The following RNF213 variants were observed in gnomAD, a reference collection of about 807,000 sequenced individuals.
RNF213 encodes the protein E3 ubiquitin-protein ligase RNF213.
Under a neutral mutation model 514.4 loss-of-function variants are expected in RNF213, and 341 were observed. The observed-to-expected ratio is 0.66, with a 90% CI of 0.61 to 0.73. The LOEUF (loss-of-function observed/expected upper bound fraction) is 0.73. Among genes scored for constraint, RNF213 ranks in the 30% least tolerant of loss-of-function variants. RNF213 has a pLI of 0.00. For synonymous variants in RNF213, 2,655 were observed against 2,658.2 expected (o/e 1.00, Z 0.04); for missense variants, 5,767 against 6,615.6 (o/e 0.87, Z 4.45).
At position 80,343,371 on chromosome 17, in the gene RNF213, T is replaced by C. The variant is rs2078217410; in HGVS notation, c.6183+46T>C. The stretch of plus-strand genomic sequence containing the variant: ...GCCGATGGCCACATCAGTAAAGACG[T>C]GGTCCCCATGTCTCTGCGTGACTCC... On this transcript the variant is annotated intron_variant, in intron 27 of 67. Coordinates refer to ENST00000582970, the MANE Select transcript of RNF213 (RefSeq NM_001256071.3). The surrounding 1 kb of genome is among the most constrained non-coding windows in gnomAD (Gnocchi z 4.3). The C allele has an allele frequency of 6.6e-7, 1 of 1,526,054 alleles. No homozygotes were observed. The highest frequency in any genetic ancestry group is 9.0e-7 in the Non-Finnish European group (1 of 1,109,706). The allele number at this position is 1,526,054 out of a possible 1,614,324, so 94.5% of individuals were successfully genotyped here.
At chr17:80,374,646 T>C (rs746646987) in intron 50 of RNF213, 57 bp downstream of exon 50, 1 of 1,596,866 alleles carries the variant, frequency 6.3e-7, no homozygotes, top group Non-Finnish European at 8.6e-7. Context: ...GGAGCCTGCA[T>C]GTTCCCTGGT....
At chr17:80,351,246 G>A (rs1322040400) in intron 31 of RNF213, among the ~76,000 whole-genome samples, 3 of 152,222 alleles carry the variant, frequency 2.0e-5, no homozygotes, top group Non-Finnish European at 4.4e-5. Flanking sequence ...TACTTGGGAA[G>A]CAGAGGCAGG....
intron 25 of RNF213, 32 bp from the exon 26 acceptor site, chr17:80,339,169 T>G (rs1333496274): frequency 4.1e-5 from 59 of 1,448,294 alleles, no homozygotes; most frequent in Middle Eastern, 1.8e-4. Flanking sequence ...CGCATGGCTC[T>G]GTGAGCCAAC....
At position 80,381,491 on chromosome 17, in the gene RNF213, CCA is replaced by C. The variant is rs559229501; in HGVS notation, c.13798-55_13798-54del. The C allele has an allele frequency of 5.7e-4, 909 of 1,588,160 alleles. 5 individuals are homozygous for C. The African/African-American group carries it at 0.011, about 19-fold the overall frequency. On this transcript the variant is annotated intron_variant, in intron 56 of 67. Coordinates refer to ENST00000582970, the MANE Select transcript of RNF213 (RefSeq NM_001256071.3). Reference sequence around the variant, plus strand: ...CTCCCAATGGCCTCTACCAGGCTCACCATCTTCTCTACAAACCAGATCCCCGC... The same window carrying C: ...CTCCCAATGGCCTCTACCAGGCTCACTCTTCTCTACAAACCAGATCCCCGC...
At position 80,332,479 on chromosome 17, in the gene RNF213, G is replaced by C. The variant is rs1301789101; in HGVS notation, c.3991G>C (p.Asp1331His). The change falls in exon 21 of 68, where the codon GAC becomes CAC. Residue 1331 changes from aspartate to histidine, a missense_variant. Around this residue, in one of 13 missense-constraint regions of RNF213, gnomAD observed 516 missense variants for 566.5 expected, o/e 0.91. Transcript: ENST00000582970. The part of the protein sequence containing the change: ...LKIMCTVDHQ[D>H]QRDWIKDRVE... ...GATCATGTGCACCGTGGACCACCAG[G>C]ACCAAAGAGATTGGATCAAGGACCG... is the stretch of plus-strand genomic sequence containing the variant. 2.6e-6 allele frequency: 4 copies of C among 1,537,096 alleles called. No individual in the cohort carries two copies. In the East Asian group the frequency reaches 9.8e-5, roughly 38 times the overall value.
chr17:80,363,624 G>T lies in RNF213; in HGVS notation c.11584G>T (p.Ala3862Ser). Residue 3862 changes from alanine (A) to serine (S), a missense_variant, in exon 41 of 68, where the codon GCC becomes TCC. By Grantham distance (99) the Ala-to-Ser change is moderately conservative. Around this residue, in one of 13 missense-constraint regions of RNF213, gnomAD observed 355 missense variants for 358.0 expected, o/e 0.99. Coordinates refer to ENST00000582970, the MANE Select transcript of RNF213 (RefSeq NM_001256071.3). Reference sequence around the variant, plus strand: ...GTCTCCCCAGACCCTGGACGCATTTGCCGCAATGGCCTGCACGGAGATGCT... The same window carrying T: ...GTCTCCCCAGACCCTGGACGCATTTTCCGCAATGGCCTGCACGGAGATGCT... ...AGCEMTLDAF[A>S]AMACTEMLTR... The T allele has an allele frequency of 6.2e-7, 1 of 1,613,916 alleles. No homozygotes were observed. The highest frequency in any genetic ancestry group is 8.5e-7 in the Non-Finnish European group (1 of 1,180,044).
Position 80,384,943 on chromosome 17 carries a change from C to G in RNF213, c.14323-96C>G, listed in dbSNP as rs2080173295. On this transcript the variant is annotated intron_variant, in intron 59 of 67. Coordinates refer to ENST00000582970, the MANE Select transcript of RNF213 (RefSeq NM_001256071.3). ...AAATGACACTGACCAGATTAAGCTACAAATACAAGTCTCGCAGCCAGTCTC... is the reference window on the plus strand; with the variant it reads ...AAATGACACTGACCAGATTAAGCTAGAAATACAAGTCTCGCAGCCAGTCTC... 12 of 1,319,112 alleles carry G rather than the reference C, an allele frequency of 9.1e-6. No homozygotes were observed. In the South Asian group the frequency reaches 1.4e-4, roughly 16 times the overall value. 81.7% of individuals were successfully genotyped at this position (1,319,112 alleles called of 1,614,324 possible). A position where few individuals can be genotyped will look rare whatever the true frequency, so the allele number is the denominator to read the frequency against.
Position 80,274,280 on chromosome 17 carries a change from C to T in RNF213, c.261+876C>T, listed in dbSNP as rs868311777. ...CTCTGGCCTTGAACAGCCTCTTAGG[C>T]GTTAGACACCAAGAGAATGCGTCCT... On this transcript the variant is annotated intron_variant, in intron 3 of 67. Coordinates refer to ENST00000582970, the MANE Select transcript of RNF213 (RefSeq NM_001256071.3). Among the ~76,000 whole-genome samples the T allele has an allele frequency of 1.6e-3, 246 of 151,924 alleles. 1 individual carries two copies. Among genetic ancestry groups the T allele is most frequent in the African/African-American group, 5.6e-3 (233 of 41,450 alleles).
intron 20 of RNF213, 67 bp downstream of exon 20, chr17:80,328,544 T>C (rs1265846326): frequency 6.8e-7 from 1 of 1,468,938 alleles, no homozygotes; most frequent in Non-Finnish European, 9.1e-7. Flanking sequence ...ACAGTAAGAA[T>C]GGATCACAGT....
At chr17:80,324,961 G>A (rs1179142960) in intron 17 of RNF213, 69 bp from the exon 18 acceptor site, 1 of 1,428,600 alleles carries the variant, frequency 7.0e-7, no homozygotes, top group African/African-American at 1.4e-5. Context: ...TAGGTAATTT[G>A]CTTTTGTTAT....
At position 80,360,125 on chromosome 17, in the gene RNF213, A is replaced by C; in HGVS notation, c.11119A>C (p.Asn3707His). 1 of 1,614,168 alleles carries C rather than the reference A, an allele frequency of 6.2e-7. No individual in the cohort carries two copies. ...CATGAACCTTTCCGAGAACGCTTCCAACAACGTCCCTTTCAGCTGGAAAAT... is the reference window on the plus strand; with the variant it reads ...CATGAACCTTTCCGAGAACGCTTCCCACAACGTCCCTTTCAGCTGGAAAAT... ...NHMNLSENAS[N>H]NVPFSWKIKD... The change falls in exon 38 of 68, where the codon AAC (asparagine) becomes CAC (histidine). Residue 3707 changes from asparagine to histidine, a missense_variant. Physicochemically the swap from Asn to His is moderately conservative, Grantham distance 68. Coordinates refer to ENST00000582970, the MANE Select transcript of RNF213 (RefSeq NM_001256071.3).
In RNF213 at chr17:80,385,576, T is replaced by C; in HGVS notation, c.14494T>C (p.Phe4832Leu). The C allele has an allele frequency of 6.2e-7, 1 of 1,614,176 alleles. No homozygotes were observed. Among genetic ancestry groups the C allele is most frequent in the Non-Finnish European group, 8.5e-7 (1 of 1,180,030 alleles). The change falls in exon 61 of 68, where the codon TTT (phenylalanine) becomes CTT (leucine). Residue 4832 changes from phenylalanine (F) to leucine (L), a missense_variant. By Grantham distance (22) the Phe-to-Leu change is conservative. This residue lies in a region of RNF213 where 1,245 missense variants were observed against 1,339.0 expected (regional missense o/e 0.93). Coordinates refer to ENST00000582970, the MANE Select transcript of RNF213 (RefSeq NM_001256071.3). ...RQLLHNRITVFLSTWNKLRRS... is the reference protein window; with the variant it reads ...RQLLHNRITVLLSTWNKLRRS... Reference sequence around the variant, plus strand: ...GCTGCTTCACAACAGGATCACAGTCTTTCTGTCCACATGGAACAAACTGAG... The same window carrying C: ...GCTGCTTCACAACAGGATCACAGTCCTTCTGTCCACATGGAACAAACTGAG...
At position 80,355,397 on chromosome 17, in the gene RNF213, ATGGGAATGGGGG is replaced by A. The variant is rs2078715852; in HGVS notation, c.10862+822_10862+833del. Reference sequence around the variant, plus strand: ...GCTTACAGGGGAAGAAGCGGGGTGAATGGGAATGGGGGCTCACGGAGGAAGAAGCGGGGTGGA... The same window carrying A: ...GCTTACAGGGGAAGAAGCGGGGTGAACTCACGGAGGAAGAAGCGGGGTGGA... On this transcript the variant is annotated intron_variant, in intron 36 of 67. Transcript: ENST00000582970. 8 of 173,212 alleles carry A rather than the reference ATGGGAATGGGGG, an allele frequency of 4.6e-5. 1 individual carries two copies. Among genetic ancestry groups the A allele is most frequent in the South Asian group, 6.9e-5 (2 of 28,972 alleles). The allele number at this position is 173,212 out of a possible 1,614,324, so 10.7% of individuals were successfully genotyped here. A position where few individuals can be genotyped will look rare whatever the true frequency, so the allele number is the denominator to read the frequency against.
chr17:80,384,026 C>A (rs920695967), intron 59 of RNF213, 98 bp downstream of exon 59: 1 of 1,417,122 alleles, frequency 7.1e-7, no homozygotes, highest in African/African-American at 1.4e-5. Context: ...TCATTCTTAA[C>A]AGACTATTCC....
At chr17:80,326,061 C>T (rs538642306) in intron 18 of RNF213, among the ~76,000 whole-genome samples, 39 of 152,108 alleles carry the variant, frequency 2.6e-4, no homozygotes, top group Non-Finnish European at 4.0e-4. Flanking sequence ...CGGGTTCAAG[C>T]GATTCTCCTG....
Position 80,345,209 on chromosome 17 carries a change from T to A in RNF213, c.6874T>A (p.Phe2292Ile). The A allele has an allele frequency of 1.2e-6, 2 of 1,614,140 alleles. No homozygotes were observed. The highest frequency in any genetic ancestry group is 1.7e-6 in the Non-Finnish European group (2 of 1,180,018). The change falls in exon 29 of 68, where the codon TTC (phenylalanine) becomes ATC (isoleucine). Residue 2292 changes from phenylalanine to isoleucine, a missense_variant. Physicochemically the swap from Phe to Ile is conservative, Grantham distance 21. Coordinates refer to ENST00000582970, the MANE Select transcript of RNF213 (RefSeq NM_001256071.3). The surrounding 1 kb of genome is among the most constrained non-coding windows in gnomAD (Gnocchi z 6.0). The stretch of plus-strand genomic sequence containing the variant: ...GGTTAGGGAAGAAGATCTAGCGCCC[T>A]TCTCCCTCCGGAAGAGGTGGGAGTC... ...DGVREEDLAP[F>I]SLRKRWESEP...
chr17:80,326,436 G>A (rs568872957), intron 18 of RNF213, among the ~76,000 whole-genome samples: 13 of 152,310 alleles, frequency 8.5e-5, no homozygotes, highest in African/African-American at 2.9e-4. Flanking sequence ...TGGTGCTTTT[G>A]TTACAGCTGA....
Position 80,348,153 on chromosome 17 carries a change from A to G in RNF213, c.9818A>G (p.Tyr3273Cys), listed in dbSNP as rs751432010. 2 of 1,613,946 alleles carry G rather than the reference A, an allele frequency of 1.2e-6. No homozygotes were observed. Among genetic ancestry groups the G allele is most frequent in the East Asian group, 2.2e-5 (1 of 44,900 alleles). Reference protein sequence around the residue: ...TPDAVVRLSAYSLGGFAAEWL... With the variant: ...TPDAVVRLSACSLGGFAAEWL... ...GATGCCGTGGTCCGGCTGAGCGCCTACTCGCTGGGCGGGTTCGCAGCGGAG... is the reference window on the plus strand; with the variant it reads ...GATGCCGTGGTCCGGCTGAGCGCCTGCTCGCTGGGCGGGTTCGCAGCGGAG... Residue 3273 changes from tyrosine (Y) to cysteine (C), a missense_variant, in exon 29 of 68, where the codon TAC becomes TGC. This residue lies in a region of RNF213 where 919 missense variants were observed against 1,121.0 expected (regional missense o/e 0.82). Transcript: ENST00000582970.
At chr17:80,291,498 C>T in intron 7 of RNF213, 130 bp from the exon 8 acceptor site, 1 of 906,488 alleles carries the variant, frequency 1.1e-6, no homozygotes. Flanking sequence ...GTTGGGATTT[C>T]AGGCATGGGC....
Sources: allele counts gnomAD v4.1 joint callset (sites outside exome capture counted in the v4.1 genomes callset), GRCh38; gene constraint gnomAD v4.1.1; regional missense constraint gnomAD v4.1.1; non-coding constraint Gnocchi (gnomAD v3.1); transcripts MANE v1.5; gene names NCBI Gene and HGNC (gene_info 2026-07-23, HGNC 2026-07-21).